Variants in ANAPC5 observed in about 807,000 individuals in gnomAD.
ANAPC5 encodes the protein anaphase promoting complex subunit 5.
A neutral mutation model predicts 91.3 loss-of-function variants in ANAPC5; 60 were observed. The observed-to-expected ratio is 0.66, with a 90% CI of 0.53 to 0.81. ANAPC5 has a LOEUF of 0.81. ANAPC5 is among the 40% of genes least tolerant of loss of function. ANAPC5 has a pLI of 0.00. For synonymous variants in ANAPC5, 340 were observed against 364.1 expected (o/e 0.93, Z 0.75); for missense variants, 690 against 931.5 (o/e 0.74, Z 3.37).
intron 11 of ANAPC5, chr12:121,326,224 G>A (rs1290718565): frequency 1.3e-5 from 2 of 152,148 alleles, no homozygotes; most frequent in African/African-American, 4.8e-5. Flanking sequence ...TGAAAGGAGT[G>A]GAAACCACCC....
At chr12:121,323,123 T>C (rs1418242270) in intron 11 of ANAPC5, among the ~76,000 whole-genome samples, 2 of 152,216 alleles carry the variant, frequency 1.3e-5, no homozygotes, top group Admixed American at 6.5e-5. Flanking sequence ...CCTATATAAA[T>C]GTACCAAGTA....
At chr12:121,320,279 T>C (rs1479316395) in intron 12 of ANAPC5, 106 bp downstream of exon 12, 2 of 1,094,020 alleles carry the variant, frequency 1.8e-6, no homozygotes, top group Non-Finnish European at 2.6e-6. Context: ...AAGTTCCTTT[T>C]TAGCTCAATA....
In ANAPC5 at chr12:121,335,631, G is replaced by A. The variant is rs782604638; in HGVS notation, c.852C>T (p.Thr284=). The change falls in exon 7 of 17, where the codon ACC becomes ACT. Residue 284 remains threonine (T), a synonymous_variant. Coordinates refer to ENST00000261819, the MANE Select transcript of ANAPC5 (RefSeq NM_016237.5). ...LLHYFDRLIL[T]GAESKSNGEE... ...CCCCATTACTTTTGCTTTCGGCTCC[G>A]GTAAGAATCAGACGATCAAAATAAT... is the stretch of plus-strand genomic sequence containing the variant. 2.3e-5 allele frequency: 37 copies of A among 1,613,932 alleles called. No individual in the cohort carries two copies. Among genetic ancestry groups the A allele is most frequent in the Admixed American group, 5.0e-5 (3 of 59,984 alleles).
chr12:121,346,281 A>G (rs1356806483), intron 3 of ANAPC5: 5 of 392,034 alleles, frequency 1.3e-5, no homozygotes, highest in East Asian at 4.2e-5. Flanking sequence ...TACTTTCTTC[A>G]TGGCTGTTAC....
intron 5 of ANAPC5, among the ~76,000 whole-genome samples, chr12:121,337,680 C>T (rs993239773): frequency 6.6e-6 from 1 of 152,090 alleles, no homozygotes; most frequent in Non-Finnish European, 1.5e-5. Flanking sequence ...CTGAGCAAAC[C>T]GACGCCCATG....
Position 121,352,355 on chromosome 12 carries a change from AAGTCTCGGGCCCG to A in ANAPC5, c.-28_-16del, listed in dbSNP as rs781933249. On this transcript the variant is annotated 5_prime_UTR_variant, in exon 1 of 17. Transcript: ENST00000261819. ...ACGCTGGCCATGGCGGCCCGAGACT[AAGTCTCGGGCCCG>A]CGGCGCGCTGCCGCCAGTTGTCACC... The A allele has an allele frequency of 1.1e-5, 17 of 1,581,570 alleles. No homozygotes were observed. In the Admixed American group the frequency reaches 3.0e-4, roughly 28 times the overall value.
chr12:121,330,582 C>G lies in ANAPC5; in HGVS notation c.1122+1G>C, dbSNP rs1555272776. On this transcript the variant is annotated splice_donor_variant, in intron 9 of 16. Transcript: ENST00000261819. LOFTEE classifies it high-confidence loss of function. ...CAATCTCACAGAAAGATGAGCCTTACCGGTAACCCAAAATGTACTGCCTTC... is the reference window on the plus strand; with the variant it reads ...CAATCTCACAGAAAGATGAGCCTTAGCGGTAACCCAAAATGTACTGCCTTC... 1 of 1,613,074 alleles carries G rather than the reference C, an allele frequency of 6.2e-7. No homozygotes were observed. The highest frequency in any genetic ancestry group is 1.3e-5 in the African/African-American group (1 of 74,886).
rs138201522 is a variant in ANAPC5 at position 121,337,209 on chromosome 12, T to G, written c.759+82A>C. The G allele has an allele frequency of 2.0e-3, 2,305 of 1,154,936 alleles. 26 individuals are homozygous for G. In the Middle Eastern group the frequency reaches 0.023, roughly 11 times the overall value. The allele number at this position is 1,154,936 out of a possible 1,614,324, so 71.5% of individuals were successfully genotyped here. A position where few individuals can be genotyped will look rare whatever the true frequency, so the allele number is the denominator to read the frequency against. On this transcript the variant is annotated intron_variant, in intron 6 of 16. Coordinates refer to ENST00000261819, the MANE Select transcript of ANAPC5 (RefSeq NM_016237.5). ...CTCCAGCCTGGCAACAGAGTAAGACTCTGTTTCCAAAAACAAACAAACAAA... is the reference window on the plus strand; with the variant it reads ...CTCCAGCCTGGCAACAGAGTAAGACGCTGTTTCCAAAAACAAACAAACAAA...
Position 121,319,697 on chromosome 12 carries a change from C to CT in ANAPC5, c.1636dup (p.Arg546LysfsTer17). ...GGTTAGAGTTTTCAAGGTTTCTTAC[C>CT]TATAAACACCCTCTATGCTATTGAG... is the stretch of plus-strand genomic sequence containing the variant. On this transcript the variant is annotated frameshift_variant and splice_region_variant, in exon 13 of 17. Transcript: ENST00000261819. LOFTEE classifies it high-confidence loss of function. 6.2e-7 allele frequency: 1 copy of CT among 1,602,546 alleles called. No homozygotes were observed.
intron 13 of ANAPC5, among the ~76,000 whole-genome samples, chr12:121,318,821 C>T (rs1902475657): frequency 6.6e-6 from 1 of 152,030 alleles, no homozygotes; most frequent in African/African-American, 2.4e-5. Flanking sequence ...GAGCTCGAGA[C>T]CAGCCTGGCC....
At chr12:121,338,686 C>T (rs1246950443) in intron 5 of ANAPC5, among the ~76,000 whole-genome samples, 7 of 152,010 alleles carry the variant, frequency 4.6e-5, no homozygotes, top group African/African-American at 7.2e-5. Flanking sequence ...CAGAAGAAAA[C>T]AAAAATCTTC....
Position 121,330,680 on chromosome 12 carries a change from G to A in ANAPC5, c.1033-8C>T. ...CAGCACATAAAGCCAGCTCTGGCAA[G>A]AGAAATCATCAAAATATATCATAAC... On this transcript the variant is annotated splice_region_variant and splice_polypyrimidine_tract_variant and intron_variant, in intron 8 of 16. Coordinates refer to ENST00000261819, the MANE Select transcript of ANAPC5 (RefSeq NM_016237.5). The A allele has an allele frequency of 6.2e-7, 1 of 1,612,074 alleles. No individual in the cohort carries two copies. Among genetic ancestry groups the A allele is most frequent in the Non-Finnish European group, 8.5e-7 (1 of 1,178,196 alleles).
In ANAPC5 at chr12:121,309,745, T is replaced by C. The variant is rs764780162; in HGVS notation, c.2012A>G (p.Gln671Arg). The C allele has an allele frequency of 3.1e-6, 5 of 1,614,168 alleles. No homozygotes were observed. The highest frequency in any genetic ancestry group is 4.2e-6 in the Non-Finnish European group (5 of 1,180,002). The change falls in exon 16 of 17, where the codon CAG (glutamine) becomes CGG (arginine). Residue 671 changes from glutamine (Q) to arginine (R), a missense_variant. Physicochemically the swap from Gln to Arg is conservative, Grantham distance 43. Coordinates refer to ENST00000261819, the MANE Select transcript of ANAPC5 (RefSeq NM_016237.5). ...GRAMFLVAKC[Q>R]VASAASYDQP... Reference sequence around the variant, plus strand: ...ATCGTAGGAAGCTGCTGAAGCCACCTGGCACTTGGCCACTAAGAACATGGC... The same window carrying C: ...ATCGTAGGAAGCTGCTGAAGCCACCCGGCACTTGGCCACTAAGAACATGGC...
intron 15 of ANAPC5, among the ~76,000 whole-genome samples, chr12:121,311,677 T>TA (rs1902172345): frequency 6.6e-6 from 1 of 151,788 alleles, no homozygotes; most frequent in Non-Finnish European, 1.5e-5. Flanking sequence ...TACAAAAATA[T>TA]AAAAAATTAG....
intron 12 of ANAPC5, among the ~76,000 whole-genome samples, chr12:121,320,020 ATCATCAACTTTG>A (rs1902532982): frequency 6.6e-6 from 1 of 152,200 alleles, no homozygotes; most frequent in South Asian, 2.1e-4. Context: ...ATGTGTGCCA[ATCATCAACTTTG>A]TCAACTCACA....
upstream of ANAPC5, among the ~76,000 whole-genome samples, chr12:121,353,141 A>G (rs1296940361): frequency 2.0e-5 from 3 of 152,150 alleles, no homozygotes; most frequent in African/African-American, 7.2e-5. Context: ...CTTACGTGAA[A>G]TAGAACATTA....
At chr12:121,349,141 T>C (rs1007022843) in intron 1 of ANAPC5, among the ~76,000 whole-genome samples, 2 of 152,216 alleles carry the variant, frequency 1.3e-5, no homozygotes, top group Admixed American at 6.5e-5. Flanking sequence ...TCCTCCCACG[T>C]TGGCCTCCCA....
chr12:121,336,277 T>C (rs1226063263), intron 6 of ANAPC5, among the ~76,000 whole-genome samples: 1 of 152,052 alleles, frequency 6.6e-6, no homozygotes, highest in Non-Finnish European at 1.5e-5. Context: ...CAAATACTAT[T>C]TAAGAAAATT....
intron 15 of ANAPC5, among the ~76,000 whole-genome samples, chr12:121,315,029 A>T (rs1308961893): frequency 6.6e-6 from 1 of 152,164 alleles, no homozygotes; most frequent in African/African-American, 2.4e-5. Flanking sequence ...TGGAAGAGGT[A>T]AAACTATCTC....
Sources: gnomAD v4.1 joint callset for allele counts (sites outside exome capture counted in the v4.1 genomes callset) on GRCh38, gnomAD v4.1.1 for gene constraint, MANE v1.5 for transcripts, NCBI Gene and HGNC (gene_info 2026-07-23, HGNC 2026-07-21) for gene names.